LPAR6: variants seen among roughly 807,000 people sequenced by gnomAD.
The protein encoded by LPAR6 is G-protein coupled purinergic receptor P2Y5.
In LPAR6, 17 loss-of-function variants were observed where a neutral mutation model predicts 22.0. That is an observed-to-expected ratio of 0.77 (90% CI 0.53 to 1.16). The LOEUF (loss-of-function observed/expected upper bound fraction) is 1.16. LPAR6 is among the 50% of genes most tolerant of loss of function. The pLI is 0.00. For synonymous variants in LPAR6, 136 were observed against 139.8 expected (o/e 0.97, Z 0.19); for missense variants, 384 against 406.9 (o/e 0.94, Z 0.48).
At chr13:48,442,893 T>TA (rs1294951853) in intron 1 of LPAR6, among the ~76,000 whole-genome samples, 2 of 152,124 alleles carry the variant, frequency 1.3e-5, no homozygotes, top group Non-Finnish European at 2.9e-5. Context: ...TTTAAAAAAA[T>TA]ACCCAACACC....
At chr13:48,409,511 C>T (rs1184465192), downstream of LPAR6, among the ~76,000 whole-genome samples, 5 of 148,368 alleles carry the variant, frequency 3.4e-5, no homozygotes, top group Non-Finnish European at 1.5e-5. Context: ...AATTTAATTA[C>T]ATGTCCTTTT....
chr13:48,429,608 C>T (rs1388784468), upstream of LPAR6: 1 of 151,836 alleles, frequency 6.6e-6, no homozygotes, highest in Non-Finnish European at 1.5e-5. Flanking sequence ...AACAAAAAAC[C>T]TTGACCTTAC....
In LPAR6 at chr13:48,411,400, A is replaced by G. The variant is rs1948797156; in HGVS notation, c.1024T>C (p.Ser342Pro). The G allele has an allele frequency of 4.3e-6, 7 of 1,610,948 alleles. No homozygotes were observed. Among genetic ancestry groups the G allele is most frequent in the Admixed American group, 3.3e-5 (2 of 60,006 alleles). The change falls in exon 1 of 1, where the codon TCT (serine) becomes CCT (proline). Residue 342 changes from serine to proline, a missense_variant. By Grantham distance (74) the Ser-to-Pro change is moderately conservative. Coordinates refer to ENST00000620633, the MANE Select transcript of LPAR6 (RefSeq NM_001162498.3). ...TLKSKIFDNE[S>P]AA ...CTAATGGTTTTATTTCAGGCAGCAG[A>G]TTCATTGTCAAATATCTTACTTTTT...
intron 1 of LPAR6, among the ~76,000 whole-genome samples, chr13:48,395,978 C>G (rs1247018801): frequency 6.6e-6 from 1 of 152,104 alleles, no homozygotes. Context: ...AGAGCAGCCA[C>G]TGCTCAAGGA....
upstream of LPAR6, chr13:48,415,557 G>T (rs1368869790): frequency 6.6e-6 from 1 of 152,244 alleles, no homozygotes; most frequent in Non-Finnish European, 1.5e-5. Context: ...GGGATTCCAT[G>T]TGTGAGCCAC....
chr13:48,416,661 A>G (rs1297836674), upstream of LPAR6: 2 of 152,324 alleles, frequency 1.3e-5, no homozygotes, highest in Non-Finnish European at 2.9e-5. Flanking sequence ...ACCCCCACAG[A>G]GCCCAGCAAG....
At chr13:48,431,473 C>T (rs1949128982), upstream of LPAR6, among the ~76,000 whole-genome samples, 1 of 152,202 alleles carries the variant, frequency 6.6e-6, no homozygotes, top group African/African-American at 2.4e-5. Context: ...AGCTCTTTAA[C>T]AGATACTGAT....
intron 1 of LPAR6, among the ~76,000 whole-genome samples, chr13:48,392,512 T>G (rs1474776385): frequency 6.6e-6 from 1 of 152,222 alleles, no homozygotes; most frequent in Non-Finnish European, 1.5e-5. Context: ...AATTTTTTTC[T>G]TCTGAGGTAT....
At chr13:48,425,697 A>AC (rs2138261553) in intron 1 of LPAR6, among the ~76,000 whole-genome samples, 1 of 152,270 alleles carries the variant, frequency 6.6e-6, no homozygotes, top group African/African-American at 2.4e-5. Flanking sequence ...TTAAAGGAAA[A>AC]AAAAAATGAC....
intron 2 of LPAR6, among the ~76,000 whole-genome samples, chr13:48,419,432 C>T (rs1324887095): frequency 6.6e-6 from 1 of 152,022 alleles, no homozygotes; most frequent in Admixed American, 6.5e-5. Context: ...CAGGAGAAAG[C>T]AGAAAAGATG....
intron 1 of LPAR6, among the ~76,000 whole-genome samples, chr13:48,438,234 T>G (rs949157199): frequency 3.9e-5 from 6 of 152,174 alleles, no homozygotes; most frequent in African/African-American, 1.4e-4. Flanking sequence ...TTCTAAGCAC[T>G]TTACATTTAT....
rs373246825 is a variant in LPAR6 at position 48,399,293 on chromosome 13, T to C, written n.115-9481A>G. 9.9e-5 allele frequency among the ~76,000 whole-genome samples: 15 copies of C among 151,974 alleles called. No individual in the cohort carries two copies. The East Asian group carries it at 2.1e-3, about 21-fold the overall frequency. On this transcript the variant is annotated intron_variant and non_coding_transcript_variant, in intron 1 of 1. Transcript: ENST00000462781. ...TGCCTAAAGTCATCTTCTATACGAA[T>C]GCAAAAATGTAACGACAAAGAAGGG...
chr13:48,413,704 G>A (rs147990812), upstream of LPAR6, among the ~76,000 whole-genome samples: 1 of 152,180 alleles, frequency 6.6e-6, no homozygotes, highest in African/African-American at 2.4e-5. Context: ...CTATGCAGTT[G>A]TATTAATATT....
At chr13:48,440,624 G>A (rs991786966) in intron 1 of LPAR6, among the ~76,000 whole-genome samples, 5 of 152,094 alleles carry the variant, frequency 3.3e-5, no homozygotes, top group Non-Finnish European at 5.9e-5. Context: ...TTATGATCAA[G>A]GGCTAGAGTC....
intron 1 of LPAR6, among the ~76,000 whole-genome samples, chr13:48,394,824 G>A (rs1214757156): frequency 6.6e-6 from 1 of 152,242 alleles, no homozygotes; most frequent in Non-Finnish European, 1.5e-5. Flanking sequence ...CACATCTTCA[G>A]CAGACTTAAA....
At chr13:48,438,366 ATTC>A (rs1448722442) in intron 1 of LPAR6, among the ~76,000 whole-genome samples, 1 of 152,076 alleles carries the variant, frequency 6.6e-6, no homozygotes, top group African/African-American at 2.4e-5. Context: ...TGAGCACACT[ATTC>A]TTCTGCTTTT....
At position 48,401,590 on chromosome 13, in the gene LPAR6, C is replaced by T. The variant is rs539496743; in HGVS notation, n.115-11778G>A. On this transcript the variant is annotated intron_variant and non_coding_transcript_variant, in intron 1 of 1. Transcript: ENST00000462781. The stretch of plus-strand genomic sequence containing the variant: ...TTTTAAAAACTCTGAACTGTCACGA[C>T]CCAGTCTGTTTCAACATACACATTT... 2.6e-5 allele frequency among the ~76,000 whole-genome samples: 4 copies of T among 152,264 alleles called. No homozygotes were observed. The South Asian group carries it at 6.2e-4, about 24-fold the overall frequency.
At chr13:48,402,814 C>T (rs1948705214) in intron 1 of LPAR6, among the ~76,000 whole-genome samples, 2 of 151,772 alleles carry the variant, frequency 1.3e-5, no homozygotes, top group South Asian at 4.2e-4. Context: ...CTTATGAGAC[C>T]ACAACATAAA....
Position 48,412,507 on chromosome 13 carries a change from C to T in LPAR6, c.-84G>A. ...GGGATTCAGATTATAACCTCTATAA[C>T]CTCCAATTTATTTGCAAATTATCTG... On this transcript the variant is annotated 5_prime_UTR_variant, in exon 1 of 1. Transcript: ENST00000620633. The T allele has an allele frequency of 2.3e-6, 2 of 881,006 alleles. No homozygotes were observed. The highest frequency in any genetic ancestry group is 3.5e-5 in the Admixed American group (2 of 57,262). The allele number at this position is 881,006 out of a possible 1,614,324, so 54.6% of individuals were successfully genotyped here. A position where few individuals can be genotyped will look rare whatever the true frequency, so the allele number is the denominator to read the frequency against.
Sources: allele counts gnomAD v4.1 joint callset (sites outside exome capture counted in the v4.1 genomes callset), GRCh38; gene constraint gnomAD v4.1.1; transcripts MANE v1.5; gene names NCBI Gene and HGNC (gene_info 2026-07-23, HGNC 2026-07-21).